The following CDK14 variants were observed in gnomAD, a reference collection of about 807,000 sequenced individuals.
The protein encoded by CDK14 is cyclin dependent kinase 14.
A neutral mutation model predicts 60.7 loss-of-function variants in CDK14; 34 were observed. The ratio of observed to expected loss-of-function variants is 0.56; its 90% confidence interval spans 0.43 to 0.75. The LOEUF is 0.75. Ranked by LOEUF, CDK14 falls within the 30% of genes least tolerant of loss-of-function variation. The pLI, the probability that CDK14 is intolerant of heterozygous loss-of-function variation, is 0.00. For synonymous variants in CDK14, 197 were observed against 203.7 expected (o/e 0.97, Z 0.28); for missense variants, 482 against 564.1 (o/e 0.85, Z 1.47).
chr7:91,020,397 G>T (rs752338101), intron 10 of CDK14, among the ~76,000 whole-genome samples: 3 of 152,182 alleles, frequency 2.0e-5, no homozygotes, highest in Non-Finnish European at 4.4e-5. Flanking sequence ...GCCAGGCATT[G>T]TCCTAGGTAA....
chr7:91,001,255 G>A (rs1400358282), intron 10 of CDK14, among the ~76,000 whole-genome samples: 1 of 152,138 alleles, frequency 6.6e-6, no homozygotes, highest in Admixed American at 6.5e-5. Context: ...CCTTAAGGGA[G>A]ACTAGTAAGA....
At chr7:90,793,813 G>A (rs1009690272) in intron 5 of CDK14, among the ~76,000 whole-genome samples, 3 of 152,178 alleles carry the variant, frequency 2.0e-5, no homozygotes, top group Non-Finnish European at 2.9e-5. Flanking sequence ...ACTCATTTAT[G>A]TATTGTCTAT....
At chr7:90,619,054 T>G (rs1171063082) in intron 2 of CDK14, among the ~76,000 whole-genome samples, 1 of 152,226 alleles carries the variant, frequency 6.6e-6, no homozygotes, top group Non-Finnish European at 1.5e-5. Context: ...TTGGGAAGCA[T>G]TTAACATACA....
chr7:91,110,153 T>C (rs1799430620), intron 12 of CDK14, among the ~76,000 whole-genome samples: 1 of 151,948 alleles, frequency 6.6e-6, no homozygotes, highest in South Asian at 2.1e-4. Flanking sequence ...AAAAAAGAGG[T>C]TCTAGTGATG....
rs1032722818 is a variant in CDK14, at chr7:90,983,669, G to T, written c.948-479G>T. Among the ~76,000 whole-genome samples the T allele has an allele frequency of 6.0e-4, 85 of 140,970 alleles. 1 individual carries two copies. The highest frequency in any genetic ancestry group is 9.1e-5 in the Non-Finnish European group (6 of 65,738). The allele number at this position is 140,970 out of a possible 152,430, so 92.5% of individuals were successfully genotyped here. ...CACTCCAGCCTGGGGGACAGAGCAA[G>T]ACTCCATCTCAAAAAAAAAAAAAAA... On this transcript the variant is annotated intron_variant, in intron 9 of 14. Coordinates refer to ENST00000380050, the MANE Select transcript of CDK14 (RefSeq NM_001287135.2).
chr7:90,732,463 C>A (rs1037388569), intron 3 of CDK14, among the ~76,000 whole-genome samples: 1 of 152,184 alleles, frequency 6.6e-6, no homozygotes, highest in Admixed American at 6.5e-5. Flanking sequence ...GTGAATCCTT[C>A]TGGTCCTGGA....
At chr7:91,079,625 AACTGTGTGCTAG>A in intron 12 of CDK14, 145 bp downstream of exon 12, 1 of 700,620 alleles carries the variant, frequency 1.4e-6, no homozygotes, top group South Asian at 1.7e-5. Flanking sequence ...GTTAAACCTT[AACTGTGTGCTAG>A]CTACTATGTT....
chr7:90,707,846 C>G (rs1170699934), intron 2 of CDK14, among the ~76,000 whole-genome samples: 1 of 152,170 alleles, frequency 6.6e-6, no homozygotes, highest in Non-Finnish European at 1.5e-5. Context: ...AGAGCACTCT[C>G]AAAATACTCA....
At chr7:90,712,636 C>G (rs1319114499) in intron 2 of CDK14, among the ~76,000 whole-genome samples, 1 of 151,970 alleles carries the variant, frequency 6.6e-6, no homozygotes, top group Non-Finnish European at 1.5e-5. Context: ...TAGAAATGCA[C>G]TGAGAGGAAG....
intron 5 of CDK14, among the ~76,000 whole-genome samples, chr7:90,849,326 G>A (rs902319471): frequency 1.3e-5 from 2 of 151,990 alleles, no homozygotes; most frequent in Non-Finnish European, 2.9e-5. Flanking sequence ...AAGAAGCCGA[G>A]CAGATGTGAG....
At chr7:91,196,604 C>T (rs1168893824) in intron 14 of CDK14, among the ~76,000 whole-genome samples, 1 of 152,228 alleles carries the variant, frequency 6.6e-6, no homozygotes, top group Non-Finnish European at 1.5e-5. Flanking sequence ...CTCCATGCCA[C>T]ACTGCACAGG....
At chr7:90,923,853 A>G (rs963191368) in intron 8 of CDK14, among the ~76,000 whole-genome samples, 12 of 152,236 alleles carry the variant, frequency 7.9e-5, no homozygotes, top group Non-Finnish European at 1.5e-4. Context: ...AAATATAGCC[A>G]TGTATCCTTA....
chr7:91,072,241 C>T (rs1312404578), intron 11 of CDK14, among the ~76,000 whole-genome samples: 1 of 152,160 alleles, frequency 6.6e-6, no homozygotes, highest in Non-Finnish European at 1.5e-5. Flanking sequence ...GGTTGTCAGA[C>T]ACCCTATATA....
intron 10 of CDK14, among the ~76,000 whole-genome samples, chr7:91,027,649 T>A (rs1444835000): frequency 6.6e-6 from 1 of 151,956 alleles, no homozygotes; most frequent in Non-Finnish European, 1.5e-5. Flanking sequence ...AGCTGATTCT[T>A]TTTTTGTTGC....
intron 14 of CDK14, among the ~76,000 whole-genome samples, chr7:91,162,803 G>C (rs1801211950): frequency 6.6e-6 from 1 of 152,182 alleles, no homozygotes; most frequent in African/African-American, 2.4e-5. Context: ...CAAGGCACAT[G>C]GTAAGCGATC....
chr7:91,016,163 C>T (rs1796297972), intron 10 of CDK14, among the ~76,000 whole-genome samples: 1 of 152,108 alleles, frequency 6.6e-6, no homozygotes, highest in Non-Finnish European at 1.5e-5. Context: ...CCAGTATCTA[C>T]CTTCAGAACA....
chr7:90,772,949 A>C (rs778215593), intron 4 of CDK14, among the ~76,000 whole-genome samples: 19 of 152,208 alleles, frequency 1.2e-4, no homozygotes, highest in Non-Finnish European at 2.4e-4. Flanking sequence ...TTAACTCTGA[A>C]TAGTAAGATT....
At chr7:90,671,306 T>C (rs549409735) in intron 2 of CDK14, among the ~76,000 whole-genome samples, 8 of 152,232 alleles carry the variant, frequency 5.3e-5, no homozygotes, top group African/African-American at 1.7e-4. Flanking sequence ...TTTTTTCTTT[T>C]TTCGGGTCTT....
At chr7:90,665,577 T>G (rs1267318649) in intron 2 of CDK14, among the ~76,000 whole-genome samples, 1 of 152,190 alleles carries the variant, frequency 6.6e-6, no homozygotes, top group Non-Finnish European at 1.5e-5. Context: ...GAAATGATGA[T>G]AGAGTAGCTT....
Sources: gnomAD v4.1 joint callset for allele counts (sites outside exome capture counted in the v4.1 genomes callset) on GRCh38, gnomAD v4.1.1 for gene constraint, MANE v1.5 for transcripts, NCBI Gene and HGNC (gene_info 2026-07-23, HGNC 2026-07-21) for gene names.